FGF2: variants seen among roughly 807,000 people sequenced by gnomAD.
FGF2 encodes the protein fibroblast growth factor 2.
In FGF2, 13 loss-of-function variants were observed where a neutral mutation model predicts 15.9. The observed-to-expected ratio is 0.82, with a 90% confidence interval of 0.53 to 1.30. The LOEUF (loss-of-function observed/expected upper bound fraction) is 1.30, where lower values mean the gene tolerates loss of function less well. FGF2 is among the 50% of genes most tolerant of loss of function. The pLI, the probability that FGF2 is intolerant of heterozygous loss-of-function variation, is 0.00. For synonymous variants in FGF2, 90 were observed against 78.4 expected (o/e 1.15, Z -0.78); for missense variants, 163 against 196.9 (o/e 0.83, Z 1.03).
intron 1 of FGF2, among the ~76,000 whole-genome samples, chr4:122,868,589 A>G (rs1165515143): frequency 1.3e-5 from 2 of 152,132 alleles, no homozygotes; most frequent in Admixed American, 6.5e-5. Flanking sequence ...ACACATGTGC[A>G]TGTGTCTTTA....
At chr4:122,891,512 ATACT>A (rs45490497) in intron 2 of FGF2, among the ~76,000 whole-genome samples, 2 of 151,410 alleles carry the variant, frequency 1.3e-5, no homozygotes, top group East Asian at 1.9e-4. Context: ...AATCAGTATG[ATACT>A]TACTTATTCC....
chr4:122,868,612 G>GTATA (rs1726657362), intron 1 of FGF2, among the ~76,000 whole-genome samples: 1 of 152,096 alleles, frequency 6.6e-6, no homozygotes, highest in African/African-American at 2.4e-5. Context: ...GTAGAATGAT[G>GTATA]TATATTCCTT....
intron 1 of FGF2, among the ~76,000 whole-genome samples, chr4:122,837,528 C>G (rs1042791223): frequency 6.6e-6 from 1 of 152,010 alleles, no homozygotes; most frequent in East Asian, 1.9e-4. Flanking sequence ...TTCATGTATT[C>G]TTACTTTTTC....
At position 122,898,160 on chromosome 4, in the gene FGF2, G is replaced by A. The variant is rs772680808; in HGVS notation, c.*5764G>A. Reference sequence around the variant, plus strand: ...TATTATTTCTATTGTATGTGTTAATGATTTTATGTAAAAATGTAATTGCTT... The same window carrying A: ...TATTATTTCTATTGTATGTGTTAATAATTTTATGTAAAAATGTAATTGCTT... On this transcript the variant is annotated 3_prime_UTR_variant, in exon 3 of 3. Coordinates refer to ENST00000644866, the MANE Select transcript of FGF2 (RefSeq NM_001361665.2). 4 of 152,534 alleles carry A rather than the reference G, an allele frequency of 2.6e-5. No homozygotes were observed. The highest frequency in any genetic ancestry group is 4.4e-5 in the Non-Finnish European group (3 of 68,146). 9.4% of individuals were successfully genotyped at this position (152,534 alleles called of 1,614,324 possible). A position where few individuals can be genotyped will look rare whatever the true frequency, so the allele number is the denominator to read the frequency against.
At chr4:122,834,543 G>A (rs1416071888) in intron 1 of FGF2, among the ~76,000 whole-genome samples, 1 of 152,058 alleles carries the variant, frequency 6.6e-6, no homozygotes, top group Non-Finnish European at 1.5e-5. Flanking sequence ...CTGACATGTG[G>A]CAGTATTGTC....
chr4:122,827,091 G>GGAGGCC lies in FGF2; in HGVS notation c.-82_-77dup, dbSNP rs985390380. 5.9e-6 allele frequency: 7 copies of GGAGGCC among 1,190,820 alleles called. No homozygotes were observed. Among genetic ancestry groups the GGAGGCC allele is most frequent in the Admixed American group, 4.7e-5 (1 of 21,494 alleles). 73.8% of individuals were successfully genotyped at this position (1,190,820 alleles called of 1,614,324 possible). On this transcript the variant is annotated 5_prime_UTR_variant, in exon 1 of 3. Coordinates refer to ENST00000644866, the MANE Select transcript of FGF2 (RefSeq NM_001361665.2). The surrounding 1 kb of genome is among the most constrained non-coding windows in gnomAD (Gnocchi z 4.2). ...CCGGGGCCGTGCCCCGGAGCGGGTC[G>GGAGGCC]GAGGCCGGGGCCGGGGCCGGGGGAC...
At chr4:122,831,026 A>G (rs1560734366) in intron 1 of FGF2, among the ~76,000 whole-genome samples, 1 of 152,032 alleles carries the variant, frequency 6.6e-6, no homozygotes, top group South Asian at 2.1e-4. Flanking sequence ...TTGCTACTGC[A>G]TGTGTTCCAT....
chr4:122,881,738 A>T (rs1335484879), intron 2 of FGF2: 1 of 156,810 alleles, frequency 6.4e-6, no homozygotes, highest in Non-Finnish European at 1.4e-5. Context: ...ACCTATTCCA[A>T]CCTTTGCCTG....
rs1204910918 is a variant in FGF2, at chr4:122,842,502, T to C, written c.178+15150T>C. ...AAAATGAGTTTACTGAATTGTGTGT[T>C]GGGGTGAAACTTTAGTTTATGGTGA... On this transcript the variant is annotated intron_variant, in intron 1 of 2. Transcript: ENST00000644866. Among the ~76,000 whole-genome samples, 3 of 152,208 alleles carry C rather than the reference T, an allele frequency of 2.0e-5. No homozygotes were observed. In the East Asian group the frequency reaches 5.8e-4, roughly 29 times the overall value.
chr4:122,860,457 T>TC, intron 1 of FGF2, among the ~76,000 whole-genome samples: 1 of 141,822 alleles, frequency 7.1e-6, no homozygotes, highest in African/African-American at 2.6e-5. Flanking sequence ...CTTTTTTTTT[T>TC]TTTTTTTTTT....
chr4:122,826,722 C>T (rs1578519835), upstream of FGF2: 11 of 1,256,690 alleles, frequency 8.8e-6, no homozygotes, highest in East Asian at 3.2e-4. Context: ...CCCAGAAAAC[C>T]CGAGCGAGTA....
intron 1 of FGF2, among the ~76,000 whole-genome samples, chr4:122,828,375 C>G (rs759302792): frequency 2.0e-5 from 3 of 152,226 alleles, no homozygotes; most frequent in Non-Finnish European, 4.4e-5. Flanking sequence ...AGAAAGAGGA[C>G]TAGAATATAT....
At chr4:122,886,846 T>C (rs982884151) in intron 2 of FGF2, among the ~76,000 whole-genome samples, 7 of 152,140 alleles carry the variant, frequency 4.6e-5, no homozygotes, top group African/African-American at 1.7e-4. Flanking sequence ...GTTTCTTTTA[T>C]TAGAGAATGG....
At chr4:122,844,605 TCC>T (rs1726069474) in intron 1 of FGF2, among the ~76,000 whole-genome samples, 1 of 150,156 alleles carries the variant, frequency 6.7e-6, no homozygotes, top group Non-Finnish European at 1.5e-5. Flanking sequence ...CTTCCTTCCT[TCC>T]TTCCTTCCTT....
Position 122,827,153 on chromosome 4 carries a change from C to A in FGF2, c.-22C>A. ...GCGCGGCTCCAGCGGCTCGGGGATC[C>A]CGGCCGGGCCCCGCAGGGACCATGG... On this transcript the variant is annotated 5_prime_UTR_variant, in exon 1 of 3. Coordinates refer to ENST00000644866, the MANE Select transcript of FGF2 (RefSeq NM_001361665.2). The surrounding 1 kb of genome is among the most constrained non-coding windows in gnomAD (Gnocchi z 4.2). 2 of 1,395,578 alleles carry A rather than the reference C, an allele frequency of 1.4e-6. No homozygotes were observed. Among genetic ancestry groups the A allele is most frequent in the Non-Finnish European group, 9.3e-7 (1 of 1,071,602 alleles). The allele number at this position is 1,395,578 out of a possible 1,614,324, so 86.4% of individuals were successfully genotyped here.
At chr4:122,880,204 C>T (rs2062558199) in intron 2 of FGF2, among the ~76,000 whole-genome samples, 1 of 151,436 alleles carries the variant, frequency 6.6e-6, no homozygotes, top group African/African-American at 2.4e-5. Flanking sequence ...GAAGGGGCTA[C>T]AGGCCCTATG....
At chr4:122,868,781 T>C (rs6816891) in intron 1 of FGF2, among the ~76,000 whole-genome samples, 17,969 of 152,250 alleles carry the variant, frequency 0.12, 1,146 homozygotes, top group Middle Eastern at 0.21. Context: ...CAGTATCTGT[T>C]GTTTCCTGAC....
chr4:122,846,671 A>C (rs1726118710), intron 1 of FGF2, among the ~76,000 whole-genome samples: 1 of 152,258 alleles, frequency 6.6e-6, no homozygotes, highest in African/African-American at 2.4e-5. Context: ...TGGGATTAAA[A>C]GAGACGAGAT....
intron 2 of FGF2, among the ~76,000 whole-genome samples, chr4:122,880,513 G>C (rs1270328327): frequency 6.6e-6 from 1 of 152,110 alleles, no homozygotes; most frequent in Non-Finnish European, 1.5e-5. Flanking sequence ...CTCCCAAAGT[G>C]CTGGGATTAC....
Sources: allele counts gnomAD v4.1 joint callset (sites outside exome capture counted in the v4.1 genomes callset), GRCh38; gene constraint gnomAD v4.1.1; non-coding constraint Gnocchi (gnomAD v3.1); transcripts MANE v1.5; gene names NCBI Gene and HGNC (gene_info 2026-07-23, HGNC 2026-07-21).